TULP2: variants seen among roughly 807,000 people sequenced by gnomAD.
TULP2 encodes the protein tubby-related protein 2.
TULP2 carries 64 observed loss-of-function variants against 60.3 expected under a neutral mutation model. The ratio of observed to expected loss-of-function variants is 1.06; its 90% confidence interval spans 0.87 to 1.31. TULP2 has a LOEUF of 1.31. Among genes scored for constraint, TULP2 ranks in the 50% most tolerant of loss-of-function variants. The pLI is 0.00. For missense variants in TULP2, 652 were observed against 667.0 expected, an observed-to-expected ratio of 0.98 and a Z score of 0.25; for synonymous variants, 267 against 265.4, an observed-to-expected ratio of 1.01 and a Z score of -0.06.
At position 48,890,726 on chromosome 19, in the gene TULP2, C is replaced by A. The variant is rs146717411; in HGVS notation, c.515-1095G>T. ...TTCTCAGTCCCTACTCATGACTCAGCGCCCTCACTTGCAACAACCTCCTCC... is the reference window on the plus strand; with the variant it reads ...TTCTCAGTCCCTACTCATGACTCAGAGCCCTCACTTGCAACAACCTCCTCC... On this transcript the variant is annotated intron_variant, in intron 6 of 12. Coordinates refer to ENST00000221399, the MANE Select transcript of TULP2 (RefSeq NM_003323.3). 2.3e-3 allele frequency among the ~76,000 whole-genome samples: 356 copies of A among 152,230 alleles called. 2 individuals carry two copies. Among genetic ancestry groups the A allele is most frequent in the African/African-American group, 7.7e-3 (320 of 41,536 alleles).
In TULP2 at chr19:48,885,559, C is replaced by T. The variant is rs117499417; in HGVS notation, c.950G>A (p.Arg317His). 2.0e-5 allele frequency: 33 copies of T among 1,613,242 alleles called. No homozygotes were observed. The highest frequency in any genetic ancestry group is 1.6e-4 in the Middle Eastern group (1 of 6,062). The change falls in exon 9 of 13, where the codon CGC (arginine) becomes CAC (histidine). Residue 317 changes from arginine (R) to histidine (H), a missense_variant and splice_region_variant. Physicochemically the swap from Arg to His is conservative, Grantham distance 29. Coordinates refer to ENST00000221399, the MANE Select transcript of TULP2 (RefSeq NM_003323.3). ...TCTCTTTCGCCCAGCCAGGAGGAAGCGCTATGGATGAGAGGAACAGTCCAT... is the reference window on the plus strand; with the variant it reads ...TCTCTTTCGCCCAGCCAGGAGGAAGTGCTATGGATGAGAGGAACAGTCCAT... Reference protein sequence around the residue: ...LYLETSDSLQRFLLAGRKRRR... With the variant: ...LYLETSDSLQHFLLAGRKRRR...
chr19:48,885,565 G>A lies in TULP2; in HGVS notation c.949-5C>T. The A allele has an allele frequency of 1.2e-6, 2 of 1,612,892 alleles. No individual in the cohort carries two copies. The highest frequency in any genetic ancestry group is 1.7e-6 in the Non-Finnish European group (2 of 1,179,102). On this transcript the variant is annotated splice_region_variant and splice_polypyrimidine_tract_variant and intron_variant, in intron 8 of 12. Coordinates refer to ENST00000221399, the MANE Select transcript of TULP2 (RefSeq NM_003323.3). ...TCGCCCAGCCAGGAGGAAGCGCTATGGATGAGAGGAACAGTCCATTAGAAT... is the reference window on the plus strand; with the variant it reads ...TCGCCCAGCCAGGAGGAAGCGCTATAGATGAGAGGAACAGTCCATTAGAAT...
rs1445204545 is a variant in TULP2 at position 48,885,675 on chromosome 19, G to C, written c.949-115C>G. On this transcript the variant is annotated intron_variant, in intron 8 of 12. Coordinates refer to ENST00000221399, the MANE Select transcript of TULP2 (RefSeq NM_003323.3). ...GCGGCGGGCAGATCACTTGAGGACA[G>C]GAGTTCGAGACCAGCCTGGCCAACA... 3 of 822,918 alleles carry C rather than the reference G, an allele frequency of 3.6e-6. No individual in the cohort carries two copies. In the Admixed American group the frequency reaches 7.3e-5, roughly 20 times the overall value. The allele number at this position is 822,918 out of a possible 1,614,324, so 51.0% of individuals were successfully genotyped here.
intron 6 of TULP2, among the ~76,000 whole-genome samples, chr19:48,891,667 G>C (rs2037234768): frequency 6.6e-6 from 1 of 152,220 alleles, no homozygotes; most frequent in Admixed American, 6.5e-5. Flanking sequence ...GAGCGGCTGA[G>C]AGAAGAAAGA....
intron 8 of TULP2, among the ~76,000 whole-genome samples, 186 bp from the exon 9 acceptor site, chr19:48,885,746 G>A (rs1358157312): frequency 2.0e-5 from 3 of 151,732 alleles, no homozygotes; most frequent in Non-Finnish European, 4.4e-5. Context: ...TTAGCCAGGC[G>A]TGGTAGTGCG....
chr19:48,888,009 C>A lies in TULP2; in HGVS notation c.889G>T (p.Val297Leu). ...QCYLTRDKHG[V>L]DKGLFPLYYL... The stretch of plus-strand genomic sequence containing the variant: ...TAGAGGGGGAACAAGCCCTTGTCCA[C>A]GCCGTGCTTGTCACGGGTGAGGTAG... Residue 297 changes from valine (V) to leucine (L), a missense_variant, in exon 8 of 13, where the codon GTG (valine) becomes TTG (leucine). By Grantham distance (32) the Val-to-Leu change is conservative (BLOSUM62 1). Transcript: ENST00000221399. The A allele has an allele frequency of 2.5e-6, 4 of 1,614,154 alleles. No homozygotes were observed. The highest frequency in any genetic ancestry group is 3.4e-6 in the Non-Finnish European group (4 of 1,180,012).
In TULP2 at chr19:48,887,988, G is replaced by T; in HGVS notation, c.910C>A (p.Leu304Ile). ...KHGVDKGLFP[L>I]YYLYLETSDS... ...GAGGTCTCCAGGTAGAGGTAGTAGA[G>T]GGGGAACAAGCCCTTGTCCACGCCG... Residue 304 changes from leucine to isoleucine, a missense_variant, in exon 8 of 13, where the codon CTC (leucine) becomes ATC (isoleucine). By Grantham distance (5) the Leu-to-Ile change is conservative. Transcript: ENST00000221399. The T allele has an allele frequency of 6.2e-7, 1 of 1,614,002 alleles. No homozygotes were observed. The highest frequency in any genetic ancestry group is 8.5e-7 in the Non-Finnish European group (1 of 1,179,886).
intron 8 of TULP2, among the ~76,000 whole-genome samples, chr19:48,886,232 G>C (rs1258315683): frequency 6.6e-6 from 1 of 151,962 alleles, no homozygotes; most frequent in East Asian, 1.9e-4. Flanking sequence ...CGTGAACCTG[G>C]GAGGCGGAGC....
chr19:48,897,285 G>GT lies in TULP2; in HGVS notation c.84+59_84+60insA, dbSNP rs2037291371. Reference sequence around the variant, plus strand: ...TCCTAGAGCAAGACCTGGTGGAGAGGCCCCTGGGGAGGCACAGAAGGCGGA... The same window carrying GT: ...TCCTAGAGCAAGACCTGGTGGAGAGGTCCCCTGGGGAGGCACAGAAGGCGGA... On this transcript the variant is annotated intron_variant, in intron 3 of 12. Coordinates refer to ENST00000221399, the MANE Select transcript of TULP2 (RefSeq NM_003323.3). This position sits in a 1 kb window ranked among gnomAD's most constrained non-coding sequence, Gnocchi z 4.0. The GT allele has an allele frequency of 5.1e-6, 8 of 1,576,224 alleles. No homozygotes were observed. Among genetic ancestry groups the GT allele is most frequent in the Non-Finnish European group, 7.0e-6 (8 of 1,150,572 alleles).
chr19:48,893,032 C>G (rs979479152), intron 6 of TULP2, among the ~76,000 whole-genome samples: 13 of 151,810 alleles, frequency 8.6e-5, no homozygotes, highest in Non-Finnish European at 1.6e-4. Flanking sequence ...CACTTGAGCC[C>G]AGGAGTTCAA....
In TULP2 at chr19:48,896,562, G is replaced by A; in HGVS notation, c.85-6C>T. ...TTCTTTTCAAACAGCCGCCGCTGGG[G>A]AGATGGGAGAGGTGGGTGTCCGGGA... On this transcript the variant is annotated splice_region_variant and splice_polypyrimidine_tract_variant and intron_variant, in intron 3 of 12. Coordinates refer to ENST00000221399, the MANE Select transcript of TULP2 (RefSeq NM_003323.3). The A allele has an allele frequency of 6.3e-7, 1 of 1,593,936 alleles. No homozygotes were observed. Among genetic ancestry groups the A allele is most frequent in the Non-Finnish European group, 8.5e-7 (1 of 1,170,106 alleles).
rs759231187 is a variant in TULP2 at position 48,882,124 on chromosome 19, C to T, written c.1355G>A (p.Trp452Ter). 6.2e-7 allele frequency: 1 copy of T among 1,614,170 alleles called. No individual in the cohort carries two copies. Among genetic ancestry groups the T allele is most frequent in the South Asian group, 1.1e-5 (1 of 91,086 alleles). Reference protein sequence around the residue: ...LLLLHNKTPSWDKENGVYTLN... With the variant: ...LLLLHNKTPS Reference sequence around the variant, plus strand: ...CGTGTAGACACCGTTCTCCTTGTCCCACGACGGGGTTTTGTTGTGCAACAA... The same window carrying T: ...CGTGTAGACACCGTTCTCCTTGTCCTACGACGGGGTTTTGTTGTGCAACAA... The change falls in exon 12 of 13, where the codon TGG (tryptophan) becomes TAG (stop). Residue 452 changes from tryptophan (W) to a stop codon, truncating the protein, a stop_gained. Coordinates refer to ENST00000221399, the MANE Select transcript of TULP2 (RefSeq NM_003323.3). LOFTEE classifies it high-confidence loss of function.
chr19:48,896,218 C>T (rs565189180), intron 4 of TULP2, among the ~76,000 whole-genome samples: 85 of 152,326 alleles, frequency 5.6e-4, no homozygotes, highest in Middle Eastern at 6.8e-3. Context: ...CCCCGAACCC[C>T]TCCCTCACAG....
Position 48,882,202 on chromosome 19 carries a change from T to C in TULP2, c.1277A>G (p.Glu426Gly), listed in dbSNP as rs1220192024. 8 of 1,613,912 alleles carry C rather than the reference T, an allele frequency of 5.0e-6. No individual in the cohort carries two copies. The highest frequency in any genetic ancestry group is 6.8e-6 in the Non-Finnish European group (8 of 1,179,992). The change falls in exon 12 of 13, where the codon GAA becomes GGA. Residue 426 changes from glutamate (E) to glycine (G), a missense_variant and splice_region_variant. Coordinates refer to ENST00000221399, the MANE Select transcript of TULP2 (RefSeq NM_003323.3). ...GTAACGACTCAGTAGCGACTCCTGTTCCTAGAAGGTAAAGAAGGGGCTGTG... is the reference window on the plus strand; with the variant it reads ...GTAACGACTCAGTAGCGACTCCTGTCCCTAGAAGGTAAAGAAGGGGCTGTG... ...NQRINVQPLN[E>G]QESLLSRYQR...
At chr19:48,895,596 C>T (rs2037271478) in intron 4 of TULP2, 93 bp from the exon 5 acceptor site, 1 of 1,492,740 alleles carries the variant, frequency 6.7e-7, no homozygotes, top group East Asian at 2.3e-5. Context: ...AAATATCACC[C>T]CCGCCAGGCG....
Position 48,896,789 on chromosome 19 carries a change from T to C in TULP2, c.85-233A>G, listed in dbSNP as rs557211140. The stretch of plus-strand genomic sequence containing the variant: ...CCTCTCATCCCCCAGGACCCAGGAG[T>C]CCTGCCTTCTAGAAGCCTTGTTCCT... On this transcript the variant is annotated intron_variant, in intron 3 of 12. Transcript: ENST00000221399. 1.1e-4 allele frequency: 47 copies of C among 439,634 alleles called. No homozygotes were observed. The East Asian group carries it at 1.7e-3, about 15-fold the overall frequency. The allele number at this position is 439,634 out of a possible 1,614,324, so 27.2% of individuals were successfully genotyped here.
chr19:48,887,164 A>G (rs546233803), intron 8 of TULP2, among the ~76,000 whole-genome samples: 2 of 150,646 alleles, frequency 1.3e-5, no homozygotes, highest in African/African-American at 4.9e-5. Context: ...GGCGCCCACA[A>G]CCACGCCTGG....
At position 48,882,133 on chromosome 19, in the gene TULP2, G is replaced by T; in HGVS notation, c.1346C>A (p.Thr449Asn). The T allele has an allele frequency of 6.2e-7, 1 of 1,613,170 alleles. No homozygotes were observed. ...ACCGTTCTCCTTGTCCCACGACGGG[G>T]TTTTGTTGTGCAACAAAAGCAACCC... is the stretch of plus-strand genomic sequence containing the variant. The part of the protein sequence containing the change: ...KQGLLLLHNK[T>N]PSWDKENGVY... Residue 449 changes from threonine (T) to asparagine (N), a missense_variant, in exon 12 of 13, where the codon ACC (threonine) becomes AAC (asparagine). Transcript: ENST00000221399.
intron 6 of TULP2, among the ~76,000 whole-genome samples, chr19:48,890,063 T>C (rs2122130550): frequency 6.6e-6 from 1 of 152,262 alleles, no homozygotes; most frequent in East Asian, 1.9e-4. Context: ...GTAAAGGGTC[T>C]GTGCTGAGGA....
Sources: allele counts gnomAD v4.1 joint callset (sites outside exome capture counted in the v4.1 genomes callset), GRCh38; gene constraint gnomAD v4.1.1; non-coding constraint Gnocchi (gnomAD v3.1); transcripts MANE v1.5; gene names NCBI Gene and HGNC (gene_info 2026-07-23, HGNC 2026-07-21).